Variants in CHST7 observed in about 807,000 individuals in gnomAD.
The protein encoded by CHST7 is carbohydrate sulfotransferase 7, also known as N-acetylglucosamine 6-O-sulfotransferase 4.
CHST7 carries 5 observed loss-of-function variants against 9.0 expected under a neutral mutation model. That is an observed-to-expected ratio of 0.56 (90% CI 0.29 to 1.17). The LOEUF (loss-of-function observed/expected upper bound fraction) is 1.17. Among genes scored for constraint, CHST7 ranks in the 50% most tolerant of loss-of-function variants. The probability of loss-of-function intolerance (pLI) is 0.08; values close to 1 mark genes in which losing one functional copy is unlikely to be tolerated. For synonymous variants in CHST7, 244 were observed against 237.1 expected, an observed-to-expected ratio of 1.03 and a Z score of -0.27; for missense variants, 377 against 485.1, an observed-to-expected ratio of 0.78 and a Z score of 2.09.
chrX:46,576,252 C>G (rs980366852), intron 1 of CHST7, among the ~76,000 whole-genome samples: 14 of 106,164 alleles, frequency 1.3e-4, no homozygotes, highest in Admixed American at 5.1e-4. Flanking sequence ...GGATATTTGA[C>G]CATATCCCAT....
chrX:46,589,589 A>G (rs1333390601), intron 1 of CHST7, among the ~76,000 whole-genome samples: 1 of 111,194 alleles, frequency 9.0e-6, no homozygotes, highest in Admixed American at 9.6e-5. Flanking sequence ...TTAATCCTCT[A>G]TTTAAGATTC....
At chrX:46,587,247 TG>T (rs1942553970) in intron 1 of CHST7, among the ~76,000 whole-genome samples, 1 of 111,130 alleles carries the variant, frequency 9.0e-6, no homozygotes, top group African/African-American at 3.3e-5. Context: ...GATTTTACAT[TG>T]AATTCCTCCC....
Position 46,590,963 on chromosome X carries a change from T to C in CHST7, c.*32-6797T>C, listed in dbSNP as rs1313772717. Among the ~76,000 whole-genome samples, 4 of 112,588 alleles carry C rather than the reference T, an allele frequency of 3.6e-5. No homozygotes were observed. In the Admixed American group the frequency reaches 3.8e-4, roughly 11 times the overall value. On this transcript the variant is annotated intron_variant, in intron 1 of 1. Coordinates refer to ENST00000276055, the MANE Select transcript of CHST7 (RefSeq NM_019886.4). ...AATATGTAACCTTTTGAGATTGGCA[T>C]TTTTCACTCAGTTGTAATCCTCTGG...
In CHST7 at chrX:46,574,435, G is replaced by T. The variant is rs1942485258; in HGVS notation, c.504G>T (p.Leu168=). 2 of 1,207,351 alleles carry T rather than the reference G, an allele frequency of 1.7e-6. No individual in the cohort carries two copies. Among genetic ancestry groups the T allele is most frequent in the East Asian group, 5.9e-5 (2 of 33,710 alleles). The change falls in exon 1 of 2, where the codon CTG becomes CTT. Residue 168 remains leucine (L), a synonymous_variant. Transcript: ENST00000276055. ...RSLFRCDFSV[L]RLYAPPGDPA... is the part of the protein sequence containing the mutation. ...TCTTCCGCTGCGACTTCTCCGTGCT[G>T]CGGCTGTACGCGCCGCCGGGGGACC...
intron 1 of CHST7, among the ~76,000 whole-genome samples, chrX:46,591,001 G>A (rs1308359380): frequency 3.6e-5 from 4 of 112,468 alleles, no homozygotes; most frequent in African/African-American, 1.3e-4. Context: ...ATTCATCCAG[G>A]TTGTCTTGTT....
chrX:46,583,004 A>G lies in CHST7; in HGVS notation c.*31+7581A>G, dbSNP rs184634958. Among the ~76,000 whole-genome samples the G allele has an allele frequency of 6.8e-4, 72 of 106,195 alleles. 3 individuals carry two copies. The South Asian group carries it at 0.027, about 39-fold the overall frequency. The allele number at this position is 106,195 out of a possible 115,157, so 92.2% of individuals were successfully genotyped here. ...TTCTTCCCATGAATATGAATGTAAT[A>G]TAAATAGTTGGGAGTGAAGCTTTTG... On this transcript the variant is annotated intron_variant, in intron 1 of 1. Coordinates refer to ENST00000276055, the MANE Select transcript of CHST7 (RefSeq NM_019886.4).
At chrX:46,596,946 CA>C (rs55742299) in intron 1 of CHST7, among the ~76,000 whole-genome samples, 4,235 of 86,758 alleles carry the variant, frequency 0.049, 207 homozygotes, top group African/African-American at 0.13. Flanking sequence ...GACTCTGTCT[CA>C]AAAAAAAAAA....
In CHST7 at chrX:46,574,602, C is replaced by A. The variant is rs1429834489; in HGVS notation, c.671C>A (p.Ala224Asp). ...RAEVGLVEDT[A>D]CERSCPPVAI... ...GAGGTGGGCCTCGTCGAGGACACCG[C>A]CTGCGAGCGCAGCTGCCCACCCGTG... The change falls in exon 1 of 2, where the codon GCC (alanine) becomes GAC (aspartate). Residue 224 changes from alanine to aspartate, a missense_variant. Physicochemically the swap from Ala to Asp is moderately radical, Grantham distance 126. Transcript: ENST00000276055. 1.7e-6 allele frequency: 2 copies of A among 1,203,933 alleles called. No individual in the cohort carries two copies. Among genetic ancestry groups the A allele is most frequent in the Non-Finnish European group, 2.2e-6 (2 of 891,561 alleles).
At chrX:46,596,727 C>G (rs1369621724) in intron 1 of CHST7, among the ~76,000 whole-genome samples, 1 of 111,500 alleles carries the variant, frequency 9.0e-6, no homozygotes, top group East Asian at 2.8e-4. Flanking sequence ...GGGTGGATCA[C>G]TTGAGGTCAG....
At position 46,598,350 on chromosome X, in the gene CHST7, T is replaced by TATC. The variant is rs1274913692; in HGVS notation, c.*622_*623insATC. 8 of 112,172 alleles carry TATC rather than the reference T, an allele frequency of 7.1e-5. No homozygotes were observed. Among genetic ancestry groups the TATC allele is most frequent in the South Asian group, 7.4e-4 (2 of 2,693 alleles). 9.2% of individuals were successfully genotyped at this position (112,172 alleles called of 1,213,427 possible). Reference sequence around the variant, plus strand: ...ACACACTTTTACTTTAAAATTTTTCTGTCTGGCGTTTTTGTAATCATACTA... The same window carrying TATC: ...ACACACTTTTACTTTAAAATTTTTCTATCGTCTGGCGTTTTTGTAATCATACTA... On this transcript the variant is annotated 3_prime_UTR_variant, in exon 2 of 2. Coordinates refer to ENST00000276055, the MANE Select transcript of CHST7 (RefSeq NM_019886.4).
intron 1 of CHST7, among the ~76,000 whole-genome samples, chrX:46,594,531 A>G (rs1351341628): frequency 1.8e-5 from 2 of 110,853 alleles, no homozygotes; most frequent in Non-Finnish European, 3.8e-5. Flanking sequence ...TCCAAAAAAA[A>G]AAAAAAAGAA....
chrX:46,595,340 A>G (rs1942589012), intron 1 of CHST7, among the ~76,000 whole-genome samples: 1 of 112,371 alleles, frequency 8.9e-6, no homozygotes, highest in African/African-American at 3.2e-5. Flanking sequence ...GAATTATCTT[A>G]TGAATCTCCA....
In CHST7 at chrX:46,574,340, C is replaced by T. The variant is rs956147595; in HGVS notation, c.409C>T (p.Leu137=). ...CTACTTGTATGAGCCCATGTGGCAT[C>T]TATGGCAGGCGCTGTATCCGGGCGA... The part of the protein sequence containing the change: ...VFYLYEPMWH[L]WQALYPGDAE... Residue 137 remains leucine, a synonymous_variant, in exon 1 of 2, where the codon CTA becomes TTA. Transcript: ENST00000276055. 1.7e-6 allele frequency: 2 copies of T among 1,211,052 alleles called. No homozygotes were observed. The highest frequency in any genetic ancestry group is 3.5e-5 in the South Asian group (2 of 56,987).
At chrX:46,596,474 G>T (rs1942594733) in intron 1 of CHST7, among the ~76,000 whole-genome samples, 1 of 111,059 alleles carries the variant, frequency 9.0e-6, no homozygotes, top group African/African-American at 3.3e-5. Context: ...AGATCTATCT[G>T]CCTTGCAGCT....
intron 1 of CHST7, among the ~76,000 whole-genome samples, chrX:46,591,920 ATCTG>A (rs1335066977): frequency 9.1e-6 from 1 of 110,090 alleles, no homozygotes; most frequent in East Asian, 2.8e-4. Context: ...CCCTATGTCC[ATCTG>A]TTCTCATTGT....
intron 1 of CHST7, among the ~76,000 whole-genome samples, chrX:46,579,195 A>G (rs1402784346): frequency 8.9e-6 from 1 of 112,098 alleles, no homozygotes; most frequent in African/African-American, 3.2e-5. Flanking sequence ...TTTATGTGAA[A>G]GAACTTGGAG....
chrX:46,588,848 G>A (rs1319966434), intron 1 of CHST7, among the ~76,000 whole-genome samples: 2 of 109,874 alleles, frequency 1.8e-5, no homozygotes, highest in Non-Finnish European at 3.8e-5. Flanking sequence ...TCAAAACAAC[G>A]GTATATAAAA....
At chrX:46,576,082 C>T (rs913313685) in intron 1 of CHST7, among the ~76,000 whole-genome samples, 1 of 110,781 alleles carries the variant, frequency 9.0e-6, no homozygotes, top group Non-Finnish European at 1.9e-5. Flanking sequence ...GTCTCAGGCG[C>T]TTGTGTAGTG....
Position 46,573,923 on chromosome X carries a change from C to T in CHST7, c.-9C>T. The T allele has an allele frequency of 8.7e-7, 1 of 1,155,734 alleles. No individual in the cohort carries two copies. The highest frequency in any genetic ancestry group is 1.1e-6 in the Non-Finnish European group (1 of 872,676). On this transcript the variant is annotated 5_prime_UTR_variant, in exon 1 of 2. Transcript: ENST00000276055. ...TGGCGCCCGACCCGCTCTGGAGGGT[C>T]GGTGAACGATGAAGGGCCGGCGGCG...
Sources: allele counts gnomAD v4.1 joint callset (sites outside exome capture counted in the v4.1 genomes callset), GRCh38; gene constraint gnomAD v4.1.1; transcripts MANE v1.5; gene names NCBI Gene and HGNC (gene_info 2026-07-23, HGNC 2026-07-21).